FHIT: variants seen among roughly 807,000 people sequenced by gnomAD.
The protein encoded by FHIT is fragile histidine triad diadenosine triphosphatase.
In FHIT, 19 loss-of-function variants were observed where a neutral mutation model predicts 17.9. The ratio of observed to expected loss-of-function variants is 1.06; its 90% CI spans 0.74 to 1.56. The LOEUF (loss-of-function observed/expected upper bound fraction) is 1.56. FHIT is among the 40% of genes most tolerant of loss of function. The pLI is 0.00. For synonymous variants in FHIT, 81 were observed against 69.7 expected (o/e 1.16, Z -0.81); for missense variants, 248 against 189.2 (o/e 1.31, Z -1.82).
chr3:60,271,639 A>G (rs1234009412), intron 5 of FHIT, among the ~76,000 whole-genome samples: 2 of 152,344 alleles, frequency 1.3e-5, no homozygotes, highest in African/African-American at 4.8e-5. Flanking sequence ...AGGTCAATGT[A>G]TGGCACATCT....
chr3:59,917,110 C>T (rs895893641), intron 8 of FHIT, among the ~76,000 whole-genome samples: 12 of 152,342 alleles, frequency 7.9e-5, no homozygotes, highest in Middle Eastern at 3.4e-3. Context: ...TCTCTCCAGC[C>T]CTCAGGGCCA....
intron 5 of FHIT, among the ~76,000 whole-genome samples, chr3:60,321,398 C>T (rs1709426185): frequency 1.3e-5 from 2 of 152,152 alleles, no homozygotes; most frequent in African/African-American, 2.4e-5. Context: ...ATTGTTTGAA[C>T]TCCGGAGGTC....
chr3:60,661,126 TGG>T (rs1553691060), intron 4 of FHIT, among the ~76,000 whole-genome samples: 1 of 152,126 alleles, frequency 6.6e-6, no homozygotes, highest in Non-Finnish European at 1.5e-5. Flanking sequence ...TCTTTAGCCA[TGG>T]TTTCTGAGAT....
chr3:60,860,208 T>G (rs1319776239), intron 3 of FHIT, among the ~76,000 whole-genome samples: 1 of 122,512 alleles, frequency 8.2e-6, no homozygotes, highest in African/African-American at 3.4e-5. Context: ...TATGTATATA[T>G]GGTATACATG....
chr3:60,484,899 T>C (rs915707715), intron 5 of FHIT, among the ~76,000 whole-genome samples: 3 of 152,110 alleles, frequency 2.0e-5, no homozygotes, highest in Admixed American at 2.0e-4. Context: ...ATTTTTGCAA[T>C]CTACGCATCT....
At chr3:60,907,529 A>T (rs1706497712) in intron 3 of FHIT, among the ~76,000 whole-genome samples, 1 of 152,234 alleles carries the variant, frequency 6.6e-6, no homozygotes, top group African/African-American at 2.4e-5. Flanking sequence ...GAAACATTTG[A>T]ATATATTAGA....
At chr3:59,839,240 C>T (rs1456128451) in intron 8 of FHIT, among the ~76,000 whole-genome samples, 1 of 151,492 alleles carries the variant, frequency 6.6e-6, no homozygotes, top group African/African-American at 2.4e-5. Context: ...ATCGCTTGAA[C>T]CCGGGATGCA....
chr3:59,990,316 C>T (rs1194855052), intron 7 of FHIT, among the ~76,000 whole-genome samples: 3 of 151,990 alleles, frequency 2.0e-5, no homozygotes, highest in Non-Finnish European at 2.9e-5. Context: ...GTGCCAAGCA[C>T]CATGTTGGCC....
chr3:60,680,267 C>T (rs1014127576), intron 4 of FHIT, among the ~76,000 whole-genome samples: 4 of 152,152 alleles, frequency 2.6e-5, no homozygotes, highest in African/African-American at 9.7e-5. Context: ...AAAAGCTATA[C>T]TGTGCTGATT....
intron 2 of FHIT, among the ~76,000 whole-genome samples, chr3:61,089,222 T>C (rs2035399681): frequency 6.6e-6 from 1 of 152,212 alleles, no homozygotes; most frequent in Non-Finnish European, 1.5e-5. Context: ...ATACATACTG[T>C]GGTAAGATAT....
At chr3:60,758,565 A>C (rs1699528395) in intron 4 of FHIT, among the ~76,000 whole-genome samples, 5 of 152,206 alleles carry the variant, frequency 3.3e-5, no homozygotes, top group Admixed American at 3.3e-4. Flanking sequence ...TAAAATGCCA[A>C]AATCATGGGC....
At chr3:60,302,955 T>C (rs1283362097) in intron 5 of FHIT, among the ~76,000 whole-genome samples, 2 of 152,194 alleles carry the variant, frequency 1.3e-5, no homozygotes, top group African/African-American at 4.8e-5. Context: ...TCAACTTTTA[T>C]TGAAAGCTTT....
intron 5 of FHIT, among the ~76,000 whole-genome samples, chr3:60,525,498 A>G (rs1013685509): frequency 6.6e-6 from 1 of 152,120 alleles, no homozygotes; most frequent in Non-Finnish European, 1.5e-5. Context: ...AAGAATCTCA[A>G]CTTAGTGGGA....
At chr3:60,492,763 C>A (rs1164756802) in intron 5 of FHIT, among the ~76,000 whole-genome samples, 2 of 152,020 alleles carry the variant, frequency 1.3e-5, no homozygotes, top group Non-Finnish European at 2.9e-5. Flanking sequence ...CGCCTCTCTC[C>A]CAATGACAGC....
intron 4 of FHIT, among the ~76,000 whole-genome samples, chr3:60,656,471 A>T (rs2040118592): frequency 1.3e-5 from 2 of 152,060 alleles, no homozygotes. Context: ...GGACGCCCGC[A>T]CCCAAATGAA....
At chr3:59,874,528 C>T (rs992720727) in intron 8 of FHIT, among the ~76,000 whole-genome samples, 3 of 152,086 alleles carry the variant, frequency 2.0e-5, no homozygotes, top group African/African-American at 7.2e-5. Context: ...TGCTGCTGGT[C>T]CAGGGATCTA....
At chr3:60,873,055 G>C (rs1553755390) in intron 3 of FHIT, among the ~76,000 whole-genome samples, 1 of 152,016 alleles carries the variant, frequency 6.6e-6, no homozygotes, top group East Asian at 1.9e-4. Flanking sequence ...GAAAAAACTT[G>C]TAGGGTAGCA....
At chr3:59,786,997 C>A (rs188537242) in intron 8 of FHIT, among the ~76,000 whole-genome samples, 3 of 152,168 alleles carry the variant, frequency 2.0e-5, no homozygotes, top group Non-Finnish European at 4.4e-5. Flanking sequence ...ACCCCTACCC[C>A]CTTCTCAGTG....
intron 5 of FHIT, among the ~76,000 whole-genome samples, chr3:60,469,765 G>A (rs1164115548): frequency 4.6e-5 from 7 of 152,084 alleles, no homozygotes; most frequent in Admixed American, 4.6e-4. Context: ...TTTTCAGTCT[G>A]GGCTTGTTTC....
Sources: gnomAD v4.1 joint callset for allele counts (sites outside exome capture counted in the v4.1 genomes callset) on GRCh38, gnomAD v4.1.1 for gene constraint, MANE v1.5 for transcripts, NCBI Gene and HGNC (gene_info 2026-07-23, HGNC 2026-07-21) for gene names.